SYTL5: variants seen among roughly 807,000 people sequenced by gnomAD.
SYTL5 encodes synaptotagmin like 5, also known as synaptotagmin-like protein 5.
Under a neutral mutation model 55.9 loss-of-function variants are expected in SYTL5, and 34 were observed. The ratio of observed to expected loss-of-function variants is 0.61; its 90% confidence interval spans 0.46 to 0.81. The LOEUF is 0.81. SYTL5 is among the 30% of genes least tolerant of loss of function. The pLI, the probability that SYTL5 is intolerant of heterozygous loss-of-function variation, is 0.00. For missense variants in SYTL5, 637 were observed against 546.7 expected (o/e 1.17, Z -1.65); for synonymous variants, 221 against 188.7 (o/e 1.17, Z -1.40).
At chrX:37,890,203 T>C in the SYTL5 span, among the ~76,000 whole-genome samples, 1 of 110,815 alleles carries the variant, frequency 9.0e-6, no homozygotes, top group African/African-American at 3.3e-5. Flanking sequence ...CAAGCTTTAT[T>C]GGGGACTAAA....
chrX:38,061,077 A>G (rs1935929508), intron 3 of SYTL5, among the ~76,000 whole-genome samples: 1 of 112,183 alleles, frequency 8.9e-6, no homozygotes, highest in African/African-American at 3.2e-5. Flanking sequence ...TATTTTATTC[A>G]TAAATTTCTG....
At chrX:38,063,256 G>T (rs1218850875) in intron 3 of SYTL5, among the ~76,000 whole-genome samples, 4 of 111,492 alleles carry the variant, frequency 3.6e-5, no homozygotes, top group Admixed American at 2.9e-4. Flanking sequence ...ACAAGGGAAA[G>T]ATTCATATTG....
At chrX:37,892,687 A>AGT in the SYTL5 span, among the ~76,000 whole-genome samples, 3 of 85,877 alleles carry the variant, frequency 3.5e-5, no homozygotes, top group African/African-American at 1.6e-4. Context: ...TGTATATATT[A>AGT]GTATATATAC....
At chrX:37,961,133 T>C in the SYTL5 span, among the ~76,000 whole-genome samples, 1 of 111,337 alleles carries the variant, frequency 9.0e-6, no homozygotes, top group African/African-American at 3.3e-5. Context: ...CAAAGCTGTT[T>C]CCATATTTTC....
At position 38,125,595 on chromosome X, in the gene SYTL5, T is replaced by C. The variant is rs927320702; in HGVS notation, c.2050+89T>C. 4 of 647,888 alleles carry C rather than the reference T, an allele frequency of 6.2e-6. No individual in the cohort carries two copies. The Admixed American group carries it at 8.8e-5, about 14-fold the overall frequency. 53.4% of individuals were successfully genotyped at this position (647,888 alleles called of 1,213,427 possible). ...GCAGATGTGATGTGCAGTGGATGTA[T>C]ATATATAGTTTCAGCTAAATCCTGA... On this transcript the variant is annotated intron_variant, in intron 16 of 16. Coordinates refer to ENST00000297875, the MANE Select transcript of SYTL5 (RefSeq NM_138780.3).
chrX:38,126,607 C>T lies in SYTL5; in HGVS notation c.2070C>T (p.Asn690=), dbSNP rs752079162. Residue 690 remains asparagine (N), a synonymous_variant, in exon 17 of 17, where the codon AAC becomes AAT. Coordinates refer to ENST00000297875, the MANE Select transcript of SYTL5 (RefSeq NM_138780.3). ...CTTCAGGTGTGAGCCATGGGAAGAA[C>T]GTGGATTGGATGGACTCTCAGGGGG... ...NSGSGVSHGK[N]VDWMDSQGEE... The T allele has an allele frequency of 5.0e-6, 6 of 1,209,381 alleles. No individual in the cohort carries two copies. The highest frequency in any genetic ancestry group is 3.0e-5 in the East Asian group (1 of 33,751).
At chrX:37,935,189 T>C in the SYTL5 span, among the ~76,000 whole-genome samples, 1 of 112,200 alleles carries the variant, frequency 8.9e-6, no homozygotes, top group South Asian at 3.7e-4. Context: ...AGTGTTGATA[T>C]ATTTGAAGTG....
At chrX:38,084,636 C>T (rs752447734) in intron 6 of SYTL5, among the ~76,000 whole-genome samples, 16 of 111,215 alleles carry the variant, frequency 1.4e-4, no homozygotes, top group Admixed American at 1.0e-3. Context: ...CCGTGATGAT[C>T]GATGATTGTT....
At chrX:37,912,585 T>A in the SYTL5 span, among the ~76,000 whole-genome samples, 1 of 111,887 alleles carries the variant, frequency 8.9e-6, no homozygotes, top group African/African-American at 3.3e-5. Flanking sequence ...TAAAGATCAG[T>A]TATCTGGGGG....
chrX:37,895,510 CTTTTCT>C, the SYTL5 span, among the ~76,000 whole-genome samples: 1 of 49,002 alleles, frequency 2.0e-5, no homozygotes, highest in African/African-American at 7.5e-5. Flanking sequence ...CTTTCTTTTT[CTTTTCT>C]TTTCTTTCTC....
the SYTL5 span, among the ~76,000 whole-genome samples, chrX:37,987,081 A>T: frequency 3.6e-5 from 4 of 111,617 alleles, no homozygotes; most frequent in African/African-American, 6.5e-5. Context: ...ATGGAATGTT[A>T]TTTATCTTAC....
intron 1 of SYTL5, among the ~76,000 whole-genome samples, chrX:38,015,636 T>G (rs1934326562): frequency 9.0e-6 from 1 of 111,537 alleles, no homozygotes; most frequent in Admixed American, 9.5e-5. Context: ...TCTGTTTTTT[T>G]GAAAAGCAGC....
At chrX:37,898,565 G>A in the SYTL5 span, among the ~76,000 whole-genome samples, 4 of 111,834 alleles carry the variant, frequency 3.6e-5, no homozygotes, top group Non-Finnish European at 7.5e-5. Flanking sequence ...AAATAAAAAC[G>A]CTTAACTAAT....
the SYTL5 span, among the ~76,000 whole-genome samples, chrX:37,896,027 A>G: frequency 2.7e-5 from 3 of 112,356 alleles, no homozygotes; most frequent in Non-Finnish European, 1.9e-5. Context: ...TTCATGTGGG[A>G]TGTTGATTTT....
intron 1 of SYTL5, among the ~76,000 whole-genome samples, chrX:38,018,135 C>T (rs1602306453): frequency 9.0e-6 from 1 of 110,916 alleles, no homozygotes; most frequent in East Asian, 2.8e-4. Flanking sequence ...TCTTGGTGGG[C>T]TTTTGTTACC....
At chrX:37,923,720 A>G in the SYTL5 span, among the ~76,000 whole-genome samples, 6 of 111,200 alleles carry the variant, frequency 5.4e-5, no homozygotes, top group Non-Finnish European at 9.4e-5. Flanking sequence ...TTTGCTTCAA[A>G]GAACACTGAA....
intron 5 of SYTL5, among the ~76,000 whole-genome samples, chrX:38,074,656 G>C (rs745481513): frequency 9.0e-6 from 1 of 111,703 alleles, no homozygotes; most frequent in Non-Finnish European, 1.9e-5. Context: ...AAAATGTCTA[G>C]GGTTCTTTTA....
chrX:38,086,639 T>C (rs1258822084), intron 6 of SYTL5, among the ~76,000 whole-genome samples: 1 of 112,181 alleles, frequency 8.9e-6, no homozygotes, highest in Non-Finnish European at 1.9e-5. Flanking sequence ...GATTAAAAAA[T>C]AGCTTTTTCT....
At chrX:38,029,757 C>T (rs1934895171) in intron 1 of SYTL5, among the ~76,000 whole-genome samples, 1 of 111,157 alleles carries the variant, frequency 9.0e-6, no homozygotes, top group Non-Finnish European at 1.9e-5. Context: ...TTACTTAAGT[C>T]GTGTACTAAA....
Sources: gnomAD v4.1 joint callset for allele counts (sites outside exome capture counted in the v4.1 genomes callset) on GRCh38, gnomAD v4.1.1 for gene constraint, MANE v1.5 for transcripts, NCBI Gene and HGNC (gene_info 2026-07-23, HGNC 2026-07-21) for gene names.